OSTF1: variants seen among roughly 807,000 people sequenced by gnomAD.
OSTF1 encodes the protein osteoclast stimulating factor 1, also known as osteoclast-stimulating factor 1.
Under a neutral mutation model 37.2 loss-of-function variants are expected in OSTF1, and 27 were observed. That is an observed-to-expected ratio of 0.73 (90% CI 0.54 to 1.00). OSTF1 has a LOEUF of 1.00. OSTF1 is among the 50% of genes least tolerant of loss of function. The probability of loss-of-function intolerance (pLI) is 0.00; values close to 1 mark genes in which losing one functional copy is unlikely to be tolerated. For synonymous variants in OSTF1, 82 were observed against 89.2 expected, an observed-to-expected ratio of 0.92 and a Z score of 0.46; for missense variants, 232 against 253.8, an observed-to-expected ratio of 0.91 and a Z score of 0.58.
intron 1 of OSTF1, among the ~76,000 whole-genome samples, chr9:75,108,584 G>C (rs1252357925): frequency 6.6e-6 from 1 of 152,154 alleles, no homozygotes; most frequent in East Asian, 1.9e-4. Context: ...TACAGGCATA[G>C]ATTGAGAATT....
chr9:75,126,615 A>G (rs1825666011), intron 2 of OSTF1, among the ~76,000 whole-genome samples: 1 of 152,006 alleles, frequency 6.6e-6, no homozygotes, highest in Admixed American at 6.6e-5. Context: ...GTTTTTTGAG[A>G]CGGAGTCTCG....
At position 75,147,033 on chromosome 9, in the gene OSTF1, ATT is replaced by A. The variant is rs34855201; in HGVS notation, c.*313_*314del. On this transcript the variant is annotated 3_prime_UTR_variant, in exon 10 of 10. Coordinates refer to ENST00000346234, the MANE Select transcript of OSTF1 (RefSeq NM_012383.5). ...TTTTTTTCTTTAAAAACAAATTAGG[ATT>A]TTTTTTTTTTTTTTTTTTTTAGTTA... 255 of 107,910 alleles carry A rather than the reference ATT, an allele frequency of 2.4e-3. 1 individual carries two copies. The highest frequency in any genetic ancestry group is 6.2e-3 in the Middle Eastern group (1 of 162). 6.7% of individuals were successfully genotyped at this position (107,910 alleles called of 1,614,324 possible). A position where few individuals can be genotyped will look rare whatever the true frequency, so the allele number is the denominator to read the frequency against.
chr9:75,095,895 C>T (rs920612336), intron 1 of OSTF1, among the ~76,000 whole-genome samples: 4 of 150,542 alleles, frequency 2.7e-5, no homozygotes, highest in Non-Finnish European at 5.9e-5. Context: ...CTGTGGCCCC[C>T]CTTTTTTTTT....
intron 7 of OSTF1, 114 bp from the exon 8 acceptor site, chr9:75,137,422 CTT>C (rs1323228158): frequency 3.0e-6 from 2 of 667,738 alleles, no homozygotes. Flanking sequence ...GGTTCTATAA[CTT>C]TGTTCCCATT....
chr9:75,102,677 C>G (rs760269141), intron 1 of OSTF1, among the ~76,000 whole-genome samples: 1 of 152,180 alleles, frequency 6.6e-6, no homozygotes, highest in Non-Finnish European at 1.5e-5. Context: ...CTTCCTGAAC[C>G]CCAGACCCTG....
chr9:75,107,503 A>T (rs1306802502), intron 1 of OSTF1, among the ~76,000 whole-genome samples: 3 of 152,200 alleles, frequency 2.0e-5, no homozygotes, highest in Non-Finnish European at 4.4e-5. Flanking sequence ...ATTGCTTGCA[A>T]TTATCTGCTT....
chr9:75,117,473 A>G (rs746195659), intron 1 of OSTF1, 31 bp from the exon 2 acceptor site: 40 of 1,558,782 alleles, frequency 2.6e-5, no homozygotes, highest in Non-Finnish European at 3.5e-5. Context: ...GGAATGAAAA[A>G]TTCAGTTGTT....
intron 1 of OSTF1, among the ~76,000 whole-genome samples, chr9:75,094,702 G>T (rs1825042316): frequency 6.6e-6 from 1 of 152,100 alleles, no homozygotes; most frequent in Non-Finnish European, 1.5e-5. Flanking sequence ...TCAGTGGGCT[G>T]ATATGAGTGA....
At chr9:75,103,299 T>TATAAA (rs1309909176) in intron 1 of OSTF1, among the ~76,000 whole-genome samples, 7 of 152,196 alleles carry the variant, frequency 4.6e-5, no homozygotes, top group African/African-American at 1.7e-4. Context: ...ATAATAAATA[T>TATAAA]ATAAAATAAA....
chr9:75,130,860 A>G (rs1235500521), intron 4 of OSTF1, among the ~76,000 whole-genome samples: 2 of 152,196 alleles, frequency 1.3e-5, no homozygotes, highest in Non-Finnish European at 2.9e-5. Context: ...TAGCATTCTT[A>G]ACCCAAGGTT....
At chr9:75,100,644 T>C (rs1333435465) in intron 1 of OSTF1, among the ~76,000 whole-genome samples, 11 of 150,868 alleles carry the variant, frequency 7.3e-5, no homozygotes, top group Admixed American at 7.3e-4. Context: ...GGGAGGAGAA[T>C]CTCTTGAACC....
At chr9:75,136,479 G>C (rs1050453245) in intron 7 of OSTF1, among the ~76,000 whole-genome samples, 1 of 152,080 alleles carries the variant, frequency 6.6e-6, no homozygotes. Context: ...TGCAACCTCT[G>C]CCTCCCGGGT....
chr9:75,103,515 T>C (rs1825231754), intron 1 of OSTF1, among the ~76,000 whole-genome samples: 1 of 152,234 alleles, frequency 6.6e-6, no homozygotes, highest in South Asian at 2.1e-4. Context: ...ATTTTTGTTT[T>C]ACATAGCTGA....
intron 1 of OSTF1, among the ~76,000 whole-genome samples, chr9:75,102,610 G>A (rs1587441876): frequency 1.3e-5 from 2 of 152,064 alleles, no homozygotes; most frequent in South Asian, 2.1e-4. Context: ...TTAATCTCTC[G>A]CCATCTTTTA....
chr9:75,132,566 C>T (rs1265597083), intron 5 of OSTF1, among the ~76,000 whole-genome samples: 1 of 152,146 alleles, frequency 6.6e-6, no homozygotes. Context: ...CCCCAAATGC[C>T]AATGGGGCTG....
At chr9:75,120,422 T>C (rs1825560782) in intron 2 of OSTF1, among the ~76,000 whole-genome samples, 1 of 151,914 alleles carries the variant, frequency 6.6e-6, no homozygotes, top group African/African-American at 2.4e-5. Context: ...GTGAGGGAGG[T>C]GAGGGGTGGT....
At chr9:75,108,671 A>C (rs368188006) in intron 1 of OSTF1, among the ~76,000 whole-genome samples, 3 of 152,164 alleles carry the variant, frequency 2.0e-5, no homozygotes, top group Non-Finnish European at 4.4e-5. Flanking sequence ...CAGTGACATT[A>C]TATCATCATC....
chr9:75,114,027 A>G (rs764197105), intron 1 of OSTF1, among the ~76,000 whole-genome samples: 6 of 152,168 alleles, frequency 3.9e-5, no homozygotes, highest in Admixed American at 1.3e-4. Context: ...CACCTATGTG[A>G]GTGAAATCAT....
Position 75,128,387 on chromosome 9 carries a change from T to TTTTTTTGTCC in OSTF1, c.132+768_132+769insTTTTTTGTCC, listed in dbSNP as rs1439910491. Among the ~76,000 whole-genome samples, 9 of 91,734 alleles carry TTTTTTTGTCC rather than the reference T, an allele frequency of 9.8e-5. 1 individual carries two copies. The highest frequency in any genetic ancestry group is 1.5e-4 in the Non-Finnish European group (7 of 46,170). The allele number at this position is 91,734 out of a possible 152,430, so 60.2% of individuals were successfully genotyped here. A position where few individuals can be genotyped will look rare whatever the true frequency, so the allele number is the denominator to read the frequency against. On this transcript the variant is annotated intron_variant, in intron 3 of 9. Transcript: ENST00000346234. ...ACATATATATATATATATATATATA[T>TTTTTTTGTCC]ATATATATATATATATATATTTTGT...
Sources: gnomAD v4.1 joint callset for allele counts (sites outside exome capture counted in the v4.1 genomes callset) on GRCh38, gnomAD v4.1.1 for gene constraint, MANE v1.5 for transcripts, NCBI Gene and HGNC (gene_info 2026-07-23, HGNC 2026-07-21) for gene names.